Variants in NCAM2 observed in about 807,000 individuals in gnomAD.
The protein encoded by NCAM2 is N-CAM-2.
A neutral mutation model predicts 98.1 loss-of-function variants in NCAM2; 30 were observed. The ratio of observed to expected loss-of-function variants is 0.31; its 90% CI spans 0.23 to 0.41. The LOEUF is 0.41. NCAM2 is among the 10% of genes least tolerant of loss of function. The pLI is 1.00. For missense variants in NCAM2, 867 were observed against 1,005.8 expected, an observed-to-expected ratio of 0.86 and a Z score of 1.87; for synonymous variants, 368 against 342.4, an observed-to-expected ratio of 1.07 and a Z score of -0.83.
At chr21:21,192,072 G>A (rs1178179590) in intron 1 of NCAM2, among the ~76,000 whole-genome samples, 1 of 151,778 alleles carries the variant, frequency 6.6e-6, no homozygotes, top group Admixed American at 6.6e-5. Flanking sequence ...AAATACAAAA[G>A]ATTATCCTGG....
chr21:21,473,992 G>T, intron 14 of NCAM2, among the ~76,000 whole-genome samples: 1 of 149,874 alleles, frequency 6.7e-6, no homozygotes, highest in African/African-American at 2.5e-5. Flanking sequence ...ACATTTAATT[G>T]GCTTATTAAT....
intron 1 of NCAM2, among the ~76,000 whole-genome samples, chr21:21,033,495 T>C (rs1175413924): frequency 1.3e-5 from 2 of 152,132 alleles, no homozygotes; most frequent in African/African-American, 4.8e-5. Context: ...TTAAATATCC[T>C]CTTCACTGAG....
At chr21:21,135,592 C>T (rs1356942158) in intron 1 of NCAM2, among the ~76,000 whole-genome samples, 5 of 152,096 alleles carry the variant, frequency 3.3e-5, no homozygotes, top group Admixed American at 2.6e-4. Context: ...TTTTATATGC[C>T]GTTGGCCTTG....
rs376807634 is a variant in NCAM2, at chr21:21,369,109, C to G, written c.1045-4754C>G. ...TCTTTTGGTCATCACCCCCCAATCTCCTCACCACCACCTCCCATTCCCCTT... is the reference window on the plus strand; with the variant it reads ...TCTTTTGGTCATCACCCCCCAATCTGCTCACCACCACCTCCCATTCCCCTT... On this transcript the variant is annotated intron_variant, in intron 8 of 17. Transcript: ENST00000400546. Among the ~76,000 whole-genome samples the G allele has an allele frequency of 2.0e-3, 188 of 92,092 alleles. 3 individuals are homozygous for G. The South Asian group carries it at 0.033, about 16-fold the overall frequency. The allele number at this position is 92,092 out of a possible 152,430, so 60.4% of individuals were successfully genotyped here.
intron 5 of NCAM2, among the ~76,000 whole-genome samples, chr21:21,297,664 C>A (rs1008325587): frequency 4.6e-5 from 7 of 151,560 alleles, no homozygotes; most frequent in African/African-American, 1.7e-4. Flanking sequence ...GTCTCTCTTA[C>A]TTTAACCCAC....
At chr21:21,327,087 A>C (rs1384063167) in intron 6 of NCAM2, among the ~76,000 whole-genome samples, 3 of 152,156 alleles carry the variant, frequency 2.0e-5, no homozygotes, top group African/African-American at 4.8e-5. Context: ...TGATCTCTTG[A>C]CTTCGTGAAC....
intron 1 of NCAM2, among the ~76,000 whole-genome samples, chr21:21,002,692 A>G (rs1038808443): frequency 6.6e-6 from 1 of 152,256 alleles, no homozygotes; most frequent in South Asian, 2.1e-4. Context: ...AAAGTGCTCA[A>G]TAACTATAGA....
intron 5 of NCAM2, among the ~76,000 whole-genome samples, chr21:21,315,067 C>CT (rs1250943322): frequency 1.3e-5 from 2 of 151,818 alleles, no homozygotes; most frequent in Non-Finnish European, 2.9e-5. Flanking sequence ...AAAATGCTCA[C>CT]TTTTTTTGTT....
At chr21:21,339,578 T>G (rs1003276198) in intron 8 of NCAM2, among the ~76,000 whole-genome samples, 4 of 151,970 alleles carry the variant, frequency 2.6e-5, no homozygotes, top group African/African-American at 7.2e-5. Flanking sequence ...AAACCTCCTT[T>G]AAACTTTTTT....
chr21:21,451,440 T>C (rs937621566), intron 12 of NCAM2, among the ~76,000 whole-genome samples: 1 of 152,146 alleles, frequency 6.6e-6, no homozygotes, highest in African/African-American at 2.4e-5. Flanking sequence ...TGAACATGAG[T>C]AAACCTTCAT....
At chr21:21,297,071 G>A (rs2073514546) in intron 5 of NCAM2, among the ~76,000 whole-genome samples, 1 of 151,710 alleles carries the variant, frequency 6.6e-6, no homozygotes, top group Admixed American at 6.6e-5. Context: ...TTTGGACTTA[G>A]CTATTAAATG....
chr21:21,447,483 G>A (rs890725051), intron 12 of NCAM2, among the ~76,000 whole-genome samples: 20 of 152,100 alleles, frequency 1.3e-4, no homozygotes, highest in African/African-American at 3.6e-4. Flanking sequence ...TCAAGACGTA[G>A]GCATGGGCAA....
intron 9 of NCAM2, among the ~76,000 whole-genome samples, chr21:21,404,873 T>G (rs1458790081): frequency 2.0e-5 from 3 of 151,360 alleles, no homozygotes; most frequent in Non-Finnish European, 4.4e-5. Context: ...AGTTGCTTTT[T>G]TACAAAAGCA....
intron 11 of NCAM2, among the ~76,000 whole-genome samples, chr21:21,424,886 A>G (rs2077181327): frequency 6.6e-6 from 1 of 151,374 alleles, no homozygotes; most frequent in Non-Finnish European, 1.5e-5. Flanking sequence ...ACAAAAAAAT[A>G]TTAGCCGGGT....
chr21:21,292,818 CT>C (rs1264420652), intron 5 of NCAM2, among the ~76,000 whole-genome samples: 3 of 151,828 alleles, frequency 2.0e-5, no homozygotes, highest in African/African-American at 7.3e-5. Flanking sequence ...CATTTTCACA[CT>C]GCTATAAAGA....
At chr21:21,526,350 T>C (rs1409860550) in intron 16 of NCAM2, among the ~76,000 whole-genome samples, 3 of 152,054 alleles carry the variant, frequency 2.0e-5, no homozygotes, top group Middle Eastern at 3.4e-3. Context: ...CAAGTGAAAT[T>C]TGAAGTTGAA....
intron 16 of NCAM2, among the ~76,000 whole-genome samples, chr21:21,533,430 C>G (rs1305598292): frequency 6.6e-6 from 1 of 151,556 alleles, no homozygotes; most frequent in Non-Finnish European, 1.5e-5. Flanking sequence ...ATTTAAAGTT[C>G]TATATATTTT....
intron 1 of NCAM2, among the ~76,000 whole-genome samples, chr21:21,190,305 G>A (rs1394281607): frequency 1.3e-5 from 2 of 152,188 alleles, no homozygotes; most frequent in Non-Finnish European, 2.9e-5. Flanking sequence ...TTAGTTTTAA[G>A]CATCTCCCAG....
rs950704806 is a variant in NCAM2 at position 21,049,330 on chromosome 21, A to G, written c.55+50712A>G. Reference sequence around the variant, plus strand: ...TTATATGCTGATACAATTAAACTATACTGATTAAATACCCTATAATGATCA... The same window carrying G: ...TTATATGCTGATACAATTAAACTATGCTGATTAAATACCCTATAATGATCA... On this transcript the variant is annotated intron_variant, in intron 1 of 17. Transcript: ENST00000400546. Among the ~76,000 whole-genome samples the G allele has an allele frequency of 1.5e-4, 23 of 152,134 alleles. 1 individual carries two copies. The highest frequency in any genetic ancestry group is 2.9e-5 in the Non-Finnish European group (2 of 68,032).
Sources: gnomAD v4.1 joint callset for allele counts (sites outside exome capture counted in the v4.1 genomes callset) on GRCh38, gnomAD v4.1.1 for gene constraint, MANE v1.5 for transcripts, NCBI Gene and HGNC (gene_info 2026-07-23, HGNC 2026-07-21) for gene names.